GRID2: variants seen among roughly 807,000 people sequenced by gnomAD.
The protein encoded by GRID2 is glutamate receptor ionotropic, delta-2.
GRID2 carries 33 observed loss-of-function variants against 114.8 expected under a neutral mutation model. The observed-to-expected ratio is 0.29, with a 90% CI of 0.22 to 0.38. GRID2 has a LOEUF of 0.38. GRID2 is among the 10% of genes least tolerant of loss of function. The pLI is 1.00. For missense variants in GRID2, 1,184 were observed against 1,257.7 expected (o/e 0.94, Z 0.89); for synonymous variants, 505 against 449.9 (o/e 1.12, Z -1.55).
chr4:92,313,338 G>A (rs1010153181), intron 1 of GRID2, among the ~76,000 whole-genome samples: 1 of 151,948 alleles, frequency 6.6e-6, no homozygotes, highest in African/African-American at 2.4e-5. Flanking sequence ...AGAAGGGTTG[G>A]TGGGGATAAA....
chr4:92,858,611 G>A (rs369133993), intron 2 of GRID2, among the ~76,000 whole-genome samples: 1 of 152,170 alleles, frequency 6.6e-6, no homozygotes, highest in Non-Finnish European at 1.5e-5. Flanking sequence ...AGGCTGGAGT[G>A]CAGTGGTGCG....
chr4:93,363,269 T>C (rs1762040041), intron 8 of GRID2, among the ~76,000 whole-genome samples: 1 of 152,122 alleles, frequency 6.6e-6, no homozygotes, highest in Non-Finnish European at 1.5e-5. Context: ...TCAATCTCCT[T>C]TCATGCTCTA....
chr4:93,689,624 C>G (rs1420644371), intron 14 of GRID2, among the ~76,000 whole-genome samples: 1 of 150,008 alleles, frequency 6.7e-6, no homozygotes, highest in African/African-American at 2.4e-5. Flanking sequence ...AAAAGAAACT[C>G]AAAAAAAAAT....
At chr4:92,573,517 G>A (rs1030440661) in intron 1 of GRID2, among the ~76,000 whole-genome samples, 1 of 152,040 alleles carries the variant, frequency 6.6e-6, no homozygotes. Flanking sequence ...TTGTTTCTCT[G>A]TTGTCATTAG....
intron 1 of GRID2, among the ~76,000 whole-genome samples, chr4:92,515,517 G>A (rs1443126883): frequency 6.6e-6 from 1 of 151,774 alleles, no homozygotes; most frequent in African/African-American, 2.4e-5. Context: ...TCATTTCCTG[G>A]CAATTATAAT....
At chr4:93,186,171 C>G (rs747586348) in intron 4 of GRID2, among the ~76,000 whole-genome samples, 1 of 152,064 alleles carries the variant, frequency 6.6e-6, no homozygotes, top group Non-Finnish European at 1.5e-5. Flanking sequence ...GGGTTGGTTC[C>G]AAGTCTTTGC....
chr4:93,618,041 A>G (rs1741865521), intron 13 of GRID2, among the ~76,000 whole-genome samples: 1 of 152,086 alleles, frequency 6.6e-6, no homozygotes, highest in Non-Finnish European at 1.5e-5. Context: ...CTGAAAGTTT[A>G]CTCATGACAT....
rs1579728708 is a variant in GRID2 at position 92,634,558 on chromosome 4, A to G, written c.244+44272A>G. ...ACACACACTTCCAGAAAAAAATACTAAGAGGCAAATTACTGATTAACATTT... is the reference window on the plus strand; with the variant it reads ...ACACACACTTCCAGAAAAAAATACTGAGAGGCAAATTACTGATTAACATTT... On this transcript the variant is annotated intron_variant, in intron 2 of 15. Coordinates refer to ENST00000282020, the MANE Select transcript of GRID2 (RefSeq NM_001510.4). 2.0e-5 allele frequency among the ~76,000 whole-genome samples: 3 copies of G among 152,258 alleles called. No homozygotes were observed. The South Asian group carries it at 6.2e-4, about 32-fold the overall frequency.
In GRID2 at chr4:92,408,684, A is replaced by G. The variant is rs1408264720; in HGVS notation, c.88+103940A>G. On this transcript the variant is annotated intron_variant, in intron 1 of 15. Transcript: ENST00000282020. ...GTATTTTGTAGTTCTCTTTGTAGAC[A>G]TTTTTCACCTCCTTGGTTAGATAAA... is the stretch of plus-strand genomic sequence containing the variant. Among the ~76,000 whole-genome samples the G allele has an allele frequency of 4.0e-5, 6 of 150,392 alleles. No individual in the cohort carries two copies. The East Asian group carries it at 1.2e-3, about 29-fold the overall frequency.
chr4:93,521,168 T>A (rs954770171), intron 13 of GRID2, among the ~76,000 whole-genome samples: 9 of 152,106 alleles, frequency 5.9e-5, no homozygotes, highest in African/African-American at 2.2e-4. Flanking sequence ...TGCCATTTAT[T>A]GAGATTGAGA....
In GRID2 at chr4:93,024,210, A is replaced by T. The variant is rs551562141; in HGVS notation, c.245-60785A>T. On this transcript the variant is annotated intron_variant, in intron 2 of 15. Transcript: ENST00000282020. ...TGCTCCCTTAGCCCTCTTTAATGAA[A>T]CTCCAAAATGTATTATGCAAACAGG... is the stretch of plus-strand genomic sequence containing the variant. 1.7e-4 allele frequency among the ~76,000 whole-genome samples: 26 copies of T among 151,636 alleles called. No homozygotes were observed. In the South Asian group the frequency reaches 5.4e-3, roughly 31 times the overall value.
At chr4:92,501,622 A>G (rs1391493445) in intron 1 of GRID2, among the ~76,000 whole-genome samples, 2 of 152,128 alleles carry the variant, frequency 1.3e-5, no homozygotes, top group African/African-American at 2.4e-5. Flanking sequence ...TGATGCAGGT[A>G]TCACTTCAAG....
intron 1 of GRID2, among the ~76,000 whole-genome samples, chr4:92,368,523 A>C (rs1728976944): frequency 6.6e-6 from 1 of 152,048 alleles, no homozygotes; most frequent in African/African-American, 2.4e-5. Flanking sequence ...ATTCACTTTT[A>C]TTTTATTTAT....
intron 14 of GRID2, among the ~76,000 whole-genome samples, chr4:93,761,859 TTGA>T (rs1375128226): frequency 1.3e-5 from 2 of 152,206 alleles, no homozygotes; most frequent in Non-Finnish European, 2.9e-5. Flanking sequence ...AAATAATCGA[TTGA>T]TGATTGATTC....
chr4:92,902,980 G>A (rs545187612), intron 2 of GRID2, among the ~76,000 whole-genome samples: 1 of 152,038 alleles, frequency 6.6e-6, no homozygotes, highest in East Asian at 1.9e-4. Flanking sequence ...TTTGAAGTCA[G>A]GTAATGTGAT....
chr4:93,106,194 C>T (rs1732211735), intron 3 of GRID2, among the ~76,000 whole-genome samples: 1 of 152,212 alleles, frequency 6.6e-6, no homozygotes, highest in East Asian at 1.9e-4. Context: ...CTGGAAGCAC[C>T]TTGAGGTCAG....
chr4:92,720,634 T>C (rs1038318899), intron 2 of GRID2, among the ~76,000 whole-genome samples: 1 of 152,110 alleles, frequency 6.6e-6, no homozygotes, highest in African/African-American at 2.4e-5. Context: ...TCTTTAAATA[T>C]GCAGAAACAT....
chr4:93,230,087 G>A (rs1745942199), intron 7 of GRID2, among the ~76,000 whole-genome samples: 1 of 151,798 alleles, frequency 6.6e-6, no homozygotes, highest in African/African-American at 2.4e-5. Context: ...GATTTATAGT[G>A]TTCTTCACAC....
chr4:92,972,355 C>A (rs1167160935), intron 2 of GRID2, among the ~76,000 whole-genome samples: 4 of 151,470 alleles, frequency 2.6e-5, no homozygotes, highest in South Asian at 2.1e-4. Context: ...ATTAAGAAGA[C>A]AAAATTTTAA....
Sources: gnomAD v4.1 joint callset for allele counts (sites outside exome capture counted in the v4.1 genomes callset) on GRCh38, gnomAD v4.1.1 for gene constraint, MANE v1.5 for transcripts, NCBI Gene and HGNC (gene_info 2026-07-23, HGNC 2026-07-21) for gene names.